The following SSX2IP variants were observed in gnomAD, a reference collection of about 807,000 sequenced individuals.
The protein encoded by SSX2IP is afadin- and alpha-actinin-binding protein.
In SSX2IP, 55 loss-of-function variants were observed where a neutral mutation model predicts 84.9. The observed-to-expected ratio is 0.65, with a 90% CI of 0.52 to 0.81. The LOEUF (loss-of-function observed/expected upper bound fraction) is 0.81, where lower values mean the gene tolerates loss of function less well. Ranked by LOEUF, SSX2IP falls within the 30% of genes least tolerant of loss-of-function variation. The probability of loss-of-function intolerance (pLI) is 0.00; values close to 1 mark genes in which losing one functional copy is unlikely to be tolerated. For synonymous variants in SSX2IP, 239 were observed against 234.7 expected, an observed-to-expected ratio of 1.02 and a Z score of -0.17; for missense variants, 664 against 705.2, an observed-to-expected ratio of 0.94 and a Z score of 0.66.
chr1:84,650,927 G>A (rs543014552), intron 12 of SSX2IP, among the ~76,000 whole-genome samples: 32 of 152,200 alleles, frequency 2.1e-4, no homozygotes, highest in Non-Finnish European at 8.8e-5. Context: ...GGATGGTCTC[G>A]ATCTCCTGAC....
chr1:84,680,975 T>C (rs76432764), intron 1 of SSX2IP, among the ~76,000 whole-genome samples: 12,364 of 152,156 alleles, frequency 0.081, 710 homozygotes, highest in Non-Finnish European at 0.13. Context: ...CCAAAACCAA[T>C]GGTAGAATGG....
intron 13 of SSX2IP, 138 bp from the exon 14 acceptor site, chr1:84,647,745 T>G: frequency 5.6e-6 from 3 of 535,230 alleles, no homozygotes; most frequent in Non-Finnish European, 8.0e-6. Context: ...ATTTAAAATT[T>G]TACTTGGAAA....
intron 1 of SSX2IP, among the ~76,000 whole-genome samples, chr1:84,674,876 T>C (rs1325711971): frequency 6.6e-6 from 1 of 152,184 alleles, no homozygotes; most frequent in African/African-American, 2.4e-5. Context: ...ACTTGCGATA[T>C]AAGAAAAGTT....
At chr1:84,647,676 T>C in intron 13 of SSX2IP, 69 bp from the exon 14 acceptor site, 1 of 1,174,112 alleles carries the variant, frequency 8.5e-7, no homozygotes, top group Non-Finnish European at 1.1e-6. Context: ...CCTCATAATG[T>C]GGCACTCTTC....
rs567763752 is a variant in SSX2IP, at chr1:84,666,515, C to T, written c.427-283G>A. Reference sequence around the variant, plus strand: ...GAAAGAGCATCACTCCATGATGCTGCCCCTGAATATTTTTAAAGTTTATTT... The same window carrying T: ...GAAAGAGCATCACTCCATGATGCTGTCCCTGAATATTTTTAAAGTTTATTT... On this transcript the variant is annotated intron_variant, in intron 4 of 13. Transcript: ENST00000342203. 1.4e-4 allele frequency among the ~76,000 whole-genome samples: 22 copies of T among 152,186 alleles called. No individual in the cohort carries two copies. The South Asian group carries it at 4.4e-3, about 30-fold the overall frequency.
rs1024301774 is a variant in SSX2IP at position 84,643,745 on chromosome 1, A to G, written c.*3688T>C. On this transcript the variant is annotated 3_prime_UTR_variant, in exon 14 of 14. Coordinates refer to ENST00000342203, the MANE Select transcript of SSX2IP (RefSeq NM_001166293.2). ...AGTGTATTTCTCATCAACAAATATT[A>G]TGTGCTGTTAAGCATTATACTAGGT... The G allele has an allele frequency of 6.6e-6, 1 of 152,180 alleles. No homozygotes were observed. The highest frequency in any genetic ancestry group is 2.4e-5 in the African/African-American group (1 of 41,434). 9.4% of individuals were successfully genotyped at this position (152,180 alleles called of 1,614,324 possible).
intron 1 of SSX2IP, among the ~76,000 whole-genome samples, chr1:84,680,789 T>C (rs891113270): frequency 6.6e-6 from 1 of 152,232 alleles, no homozygotes; most frequent in African/African-American, 2.4e-5. Context: ...AGGACTTTCA[T>C]TCCTTTCTTT....
chr1:84,662,971 C>T (rs1282854294), intron 6 of SSX2IP, among the ~76,000 whole-genome samples: 2 of 152,118 alleles, frequency 1.3e-5, no homozygotes, highest in Non-Finnish European at 2.9e-5. Flanking sequence ...GCCACATCTA[C>T]TTGTTTATAT....
At chr1:84,648,700 A>G (rs147225190) in intron 13 of SSX2IP, among the ~76,000 whole-genome samples, 1,699 of 152,354 alleles carry the variant, frequency 0.011, 11 homozygotes, top group Non-Finnish European at 0.018. Flanking sequence ...ATTTGTGTCT[A>G]TATCTATACA....
chr1:84,643,979 C>T lies in SSX2IP; in HGVS notation c.*3454G>A. ...TAATTTACATCCAGCTTGAAAAACA[C>T]TGTATTTAGAAAAAGGATTAGAGTG... On this transcript the variant is annotated 3_prime_UTR_variant, in exon 14 of 14. Coordinates refer to ENST00000342203, the MANE Select transcript of SSX2IP (RefSeq NM_001166293.2). 1 of 152,230 alleles carries T rather than the reference C, an allele frequency of 6.6e-6. No homozygotes were observed. The highest frequency in any genetic ancestry group is 1.5e-5 in the Non-Finnish European group (1 of 68,010). 9.4% of individuals were successfully genotyped at this position (152,230 alleles called of 1,614,324 possible).
At position 84,666,131 on chromosome 1, in the gene SSX2IP, C is replaced by T. The variant is rs1178806607; in HGVS notation, c.528G>A (p.Glu176=). The T allele has an allele frequency of 6.2e-7, 1 of 1,609,298 alleles. No individual in the cohort carries two copies. Among genetic ancestry groups the T allele is most frequent in the African/African-American group, 1.3e-5 (1 of 74,726 alleles). Residue 176 remains glutamate (E), a synonymous_variant, in exon 5 of 14, where the codon GAG becomes GAA. Transcript: ENST00000342203. The part of the protein sequence containing the change: ...NRNLHQLLKN[E]KDEVQKLQNI... ...ATAACTGACAACTCACCTCATCTTT[C>T]TCATTCTTTAGTAGCTGATGCAAAT... is the stretch of plus-strand genomic sequence containing the variant.
intron 1 of SSX2IP, among the ~76,000 whole-genome samples, chr1:84,689,104 T>A (rs1193481375): frequency 1.3e-5 from 2 of 152,236 alleles, no homozygotes; most frequent in African/African-American, 4.8e-5. Context: ...AGTTTTAGGA[T>A]AAGAGATCTG....
chr1:84,685,172 C>T (rs899436136), intron 1 of SSX2IP, among the ~76,000 whole-genome samples: 1 of 152,182 alleles, frequency 6.6e-6, no homozygotes, highest in Non-Finnish European at 1.5e-5. Context: ...AAATTCTACC[C>T]AGTCAGTTTG....
chr1:84,658,959 T>C (rs1651523807), intron 8 of SSX2IP, among the ~76,000 whole-genome samples: 3 of 149,568 alleles, frequency 2.0e-5, no homozygotes. Flanking sequence ...CATATACTTT[T>C]TTATATAACG....
intron 1 of SSX2IP, among the ~76,000 whole-genome samples, chr1:84,673,465 G>A (rs1056633149): frequency 3.3e-5 from 5 of 152,172 alleles, no homozygotes; most frequent in South Asian, 2.1e-4. Flanking sequence ...GTAGGAAGTC[G>A]GATTTCCTCT....
At chr1:84,680,793 T>C (rs921155506) in intron 1 of SSX2IP, among the ~76,000 whole-genome samples, 1 of 152,226 alleles carries the variant, frequency 6.6e-6, no homozygotes, top group Admixed American at 6.5e-5. Context: ...CTTTCATTCC[T>C]TTCTTTATGT....
intron 13 of SSX2IP, among the ~76,000 whole-genome samples, chr1:84,648,887 T>C (rs567520362): frequency 1.4e-4 from 21 of 152,342 alleles, no homozygotes; most frequent in African/African-American, 4.1e-4. Context: ...TTCCTTCATA[T>C]TATGACCCTA....
chr1:84,664,273 A>G, intron 6 of SSX2IP, 144 bp downstream of exon 6: 3 of 851,556 alleles, frequency 3.5e-6, no homozygotes, highest in Non-Finnish European at 4.9e-6. Context: ...TACATTTTTT[A>G]TATAAACAAA....
At chr1:84,663,855 C>G (rs1010410643) in intron 6 of SSX2IP, among the ~76,000 whole-genome samples, 1 of 152,140 alleles carries the variant, frequency 6.6e-6, no homozygotes, top group Non-Finnish European at 1.5e-5. Context: ...TTAATTTACA[C>G]TATCTACTTG....
Sources: allele counts gnomAD v4.1 joint callset (sites outside exome capture counted in the v4.1 genomes callset), GRCh38; gene constraint gnomAD v4.1.1; transcripts MANE v1.5; gene names NCBI Gene and HGNC (gene_info 2026-07-23, HGNC 2026-07-21).